The following FGGY variants were observed in gnomAD, a reference collection of about 807,000 sequenced individuals.
FGGY encodes the protein FGGY carbohydrate kinase domain-containing protein.
FGGY carries 72 observed loss-of-function variants against 71.3 expected under a neutral mutation model. The ratio of observed to expected loss-of-function variants is 1.01; its 90% CI spans 0.84 to 1.23. FGGY has a LOEUF of 1.23. Ranked by LOEUF, FGGY falls within the 50% of genes most tolerant of loss-of-function variation. FGGY has a pLI of 0.00. For missense variants in FGGY, 668 were observed against 682.3 expected (o/e 0.98, Z 0.23); for synonymous variants, 251 against 250.3 (o/e 1.00, Z -0.02).
At chr1:59,485,439 G>T (rs1035860478) in intron 6 of FGGY, among the ~76,000 whole-genome samples, 13 of 152,170 alleles carry the variant, frequency 8.5e-5, no homozygotes, top group Non-Finnish European at 1.6e-4. Context: ...TGGTCAGGTA[G>T]GTTAGCAGTG....
At chr1:59,345,607 C>T (rs2051688153) in intron 3 of FGGY, among the ~76,000 whole-genome samples, 1 of 152,098 alleles carries the variant, frequency 6.6e-6, no homozygotes, top group Admixed American at 6.6e-5. Flanking sequence ...CTGAATTATA[C>T]ATCTTCATCT....
At chr1:59,331,277 C>T (rs1270507739) in intron 2 of FGGY, among the ~76,000 whole-genome samples, 1 of 152,132 alleles carries the variant, frequency 6.6e-6, no homozygotes, top group African/African-American at 2.4e-5. Context: ...ATCTTATCAT[C>T]AAATGGCAAT....
chr1:59,723,211 G>T (rs1474382078), intron 14 of FGGY, among the ~76,000 whole-genome samples: 1 of 152,160 alleles, frequency 6.6e-6, no homozygotes, highest in Non-Finnish European at 1.5e-5. Flanking sequence ...AGCTGAAAGA[G>T]CAAGGAAATG....
At chr1:59,410,851 T>C (rs2063508422) in intron 5 of FGGY, among the ~76,000 whole-genome samples, 1 of 152,168 alleles carries the variant, frequency 6.6e-6, no homozygotes, top group Admixed American at 6.5e-5. Flanking sequence ...ATATATAAGG[T>C]TAAAAGAATA....
chr1:59,403,383 T>C (rs1353648935), intron 5 of FGGY, among the ~76,000 whole-genome samples: 1 of 152,128 alleles, frequency 6.6e-6, no homozygotes, highest in Non-Finnish European at 1.5e-5. Flanking sequence ...CTGTGTGCCC[T>C]GCCTTTAGGG....
intron 13 of FGGY, 46 bp from the exon 14 acceptor site, chr1:59,673,993 C>T (rs1345642164): frequency 2.5e-5 from 39 of 1,569,932 alleles, no homozygotes; most frequent in Non-Finnish European, 3.4e-5. Flanking sequence ...TCCTCACACT[C>T]CCCTGGCTCT....
chr1:59,663,655 A>T (rs1045219276), intron 12 of FGGY, among the ~76,000 whole-genome samples: 1 of 152,228 alleles, frequency 6.6e-6, no homozygotes, highest in African/African-American at 2.4e-5. Context: ...ATACCATGAA[A>T]GGAAGGCATT....
At chr1:59,381,769 G>A (rs747119535) in intron 5 of FGGY, among the ~76,000 whole-genome samples, 20 of 151,938 alleles carry the variant, frequency 1.3e-4, no homozygotes, top group Non-Finnish European at 2.4e-4. Flanking sequence ...TTATGTAAAT[G>A]TACCTCAGTT....
intron 8 of FGGY, among the ~76,000 whole-genome samples, chr1:59,586,408 C>G (rs71637740): frequency 6.6e-6 from 1 of 151,690 alleles, no homozygotes; most frequent in African/African-American, 2.4e-5. Context: ...ATCGCAAGGA[C>G]AAAAAACCAA....
At chr1:59,587,770 G>A (rs945464682) in intron 8 of FGGY, among the ~76,000 whole-genome samples, 23 of 152,082 alleles carry the variant, frequency 1.5e-4, no homozygotes, top group Non-Finnish European at 1.3e-4. Context: ...CAAACAGAAA[G>A]GACATCCACA....
chr1:59,699,925 C>G (rs2097696048), intron 14 of FGGY, among the ~76,000 whole-genome samples: 1 of 152,124 alleles, frequency 6.6e-6, no homozygotes, highest in African/African-American at 2.4e-5. Flanking sequence ...CATATTCACC[C>G]TTATAAAGTT....
rs2094204566 is a variant in FGGY, at chr1:59,500,884, G to A, written c.671-11427G>A. 3.3e-5 allele frequency among the ~76,000 whole-genome samples: 5 copies of A among 152,278 alleles called. No homozygotes were observed. In the South Asian group the frequency reaches 1.0e-3, roughly 32 times the overall value. On this transcript the variant is annotated intron_variant, in intron 6 of 15. Transcript: ENST00000303721. ...ATGTCTAGCCTATTTGCACATGAAAGTACAAGTTGGGCTTCATTTCTATGC... is the reference window on the plus strand; with the variant it reads ...ATGTCTAGCCTATTTGCACATGAAAATACAAGTTGGGCTTCATTTCTATGC...
intron 7 of FGGY, among the ~76,000 whole-genome samples, chr1:59,517,657 G>A (rs1385910352): frequency 1.3e-5 from 2 of 152,042 alleles, no homozygotes; most frequent in South Asian, 2.1e-4. Context: ...TGTGTCTTGC[G>A]CTTGCAGGTT....
At chr1:59,565,771 A>G (rs1199192597) in intron 8 of FGGY, among the ~76,000 whole-genome samples, 1 of 152,226 alleles carries the variant, frequency 6.6e-6, no homozygotes. Context: ...TGCACAGTTA[A>G]GGCTGGATCA....
At chr1:59,323,809 G>A (rs1357750060) in intron 2 of FGGY, among the ~76,000 whole-genome samples, 2 of 152,234 alleles carry the variant, frequency 1.3e-5, no homozygotes, top group Non-Finnish European at 2.9e-5. Context: ...CTAGAAATGT[G>A]TATGGGTTGT....
intron 8 of FGGY, among the ~76,000 whole-genome samples, chr1:59,554,714 CTT>C (rs2095658643): frequency 6.6e-6 from 1 of 152,154 alleles, no homozygotes; most frequent in African/African-American, 2.4e-5. Flanking sequence ...GCAATTTTCA[CTT>C]TGTTAATTTT....
chr1:59,629,423 T>C (rs1270709389), intron 10 of FGGY, among the ~76,000 whole-genome samples: 1 of 152,182 alleles, frequency 6.6e-6, no homozygotes, highest in East Asian at 1.9e-4. Flanking sequence ...AAAAGCTTCA[T>C]AGGCATTCCC....
chr1:59,321,357 A>T (rs554734833), intron 1 of FGGY, among the ~76,000 whole-genome samples, 179 bp from the exon 2 acceptor site: 1 of 152,232 alleles, frequency 6.6e-6, no homozygotes, highest in Non-Finnish European at 1.5e-5. Context: ...TTCACCCACC[A>T]TGTAGCTCAA....
intron 8 of FGGY, among the ~76,000 whole-genome samples, chr1:59,573,490 A>G (rs984573290): frequency 6.6e-6 from 1 of 152,100 alleles, no homozygotes; most frequent in Non-Finnish European, 1.5e-5. Context: ...ATGTATGTTC[A>G]TATATATATG....
Sources: gnomAD v4.1 joint callset for allele counts (sites outside exome capture counted in the v4.1 genomes callset) on GRCh38, gnomAD v4.1.1 for gene constraint, MANE v1.5 for transcripts, NCBI Gene and HGNC (gene_info 2026-07-23, HGNC 2026-07-21) for gene names.